DENND5A: variants seen among roughly 807,000 people sequenced by gnomAD.
The protein encoded by DENND5A is DENN domain containing 5A.
In DENND5A, 64 loss-of-function variants were observed where a neutral mutation model predicts 140.3. The observed-to-expected ratio is 0.46, with a 90% CI of 0.37 to 0.56. The LOEUF (loss-of-function observed/expected upper bound fraction) is 0.56, where lower values mean the gene tolerates loss of function less well. Among genes scored for constraint, DENND5A ranks in the 20% least tolerant of loss-of-function variants. The probability of loss-of-function intolerance (pLI) is 0.00; values close to 1 mark genes in which losing one functional copy is unlikely to be tolerated. For synonymous variants in DENND5A, 605 were observed against 607.7 expected (o/e 1.00, Z 0.07); for missense variants, 1,292 against 1,593.8 (o/e 0.81, Z 3.22).
intron 16 of DENND5A, 131 bp downstream of exon 16, chr11:9,146,897 CCA>C: frequency 9.4e-7 from 1 of 1,067,790 alleles, no homozygotes; most frequent in South Asian, 1.6e-5. Context: ...ACCTCTCTCC[CCA>C]CAGAGGCAAA....
At chr11:9,235,151 A>C (rs1333636200) in intron 1 of DENND5A, among the ~76,000 whole-genome samples, 1 of 152,224 alleles carries the variant, frequency 6.6e-6, no homozygotes, top group Non-Finnish European at 1.5e-5. Context: ...ATACATAAAC[A>C]GGTGTTCAGA....
At chr11:9,245,306 A>T (rs948684434) in intron 1 of DENND5A, 23 of 149,278 alleles carry the variant, frequency 1.5e-4, no homozygotes, top group African/African-American at 5.2e-4. Context: ...AACACAAAAA[A>T]AACAAAAAAT....
chr11:9,252,973 C>T (rs1332542800), intron 1 of DENND5A, among the ~76,000 whole-genome samples: 1 of 151,876 alleles, frequency 6.6e-6, no homozygotes, highest in Non-Finnish European at 1.5e-5. Context: ...ACCTCAGCAT[C>T]CCAAGGAACT....
At chr11:9,203,012 T>C (rs1337369341) in intron 4 of DENND5A, among the ~76,000 whole-genome samples, 3 of 152,206 alleles carry the variant, frequency 2.0e-5, no homozygotes, top group African/African-American at 7.2e-5. Flanking sequence ...AGTTCCACTA[T>C]AGCAACAATT....
intron 5 of DENND5A, among the ~76,000 whole-genome samples, chr11:9,184,221 C>G (rs1026771614): frequency 6.6e-6 from 1 of 151,924 alleles, no homozygotes; most frequent in Admixed American, 6.6e-5. Context: ...GGCGTGGTGG[C>G]GGGTGCCTAT....
At chr11:9,244,896 C>T (rs913662093) in intron 1 of DENND5A, among the ~76,000 whole-genome samples, 8 of 151,664 alleles carry the variant, frequency 5.3e-5, no homozygotes, top group Admixed American at 3.3e-4. Context: ...GGGCTGGTCT[C>T]GAACTCCTGG....
intron 15 of DENND5A, among the ~76,000 whole-genome samples, chr11:9,149,167 C>T (rs1185556321): frequency 6.6e-6 from 1 of 152,202 alleles, no homozygotes; most frequent in African/African-American, 2.4e-5. Context: ...CCCATGAATA[C>T]ACAGCCCCCA....
chr11:9,141,235 AG>A, intron 22 of DENND5A, among the ~76,000 whole-genome samples: 1 of 152,354 alleles, frequency 6.6e-6, no homozygotes, highest in African/African-American at 2.4e-5. Context: ...AGGAATAACT[AG>A]ATATACTCTG....
intron 1 of DENND5A, among the ~76,000 whole-genome samples, chr11:9,254,537 T>G (rs1029155930): frequency 4.6e-5 from 7 of 152,194 alleles, no homozygotes; most frequent in Non-Finnish European, 7.3e-5. Context: ...TCCACAGATG[T>G]CTGAGATAAG....
At chr11:9,206,021 T>A (rs1849681862) in intron 3 of DENND5A, among the ~76,000 whole-genome samples, 1 of 152,256 alleles carries the variant, frequency 6.6e-6, no homozygotes, top group East Asian at 1.9e-4. Context: ...ATACATTACC[T>A]AACCTCTTTG....
chr11:9,140,108 T>C, intron 22 of DENND5A: 1 of 1,395,606 alleles, frequency 7.2e-7, no homozygotes, highest in Non-Finnish European at 9.6e-7. Flanking sequence ...TCGCCCTGCC[T>C]AGTCAGCCCC....
intron 1 of DENND5A, among the ~76,000 whole-genome samples, chr11:9,245,790 C>T (rs1281850285): frequency 4.0e-5 from 6 of 151,824 alleles, no homozygotes; most frequent in South Asian, 2.1e-4. Flanking sequence ...TGGACCACCA[C>T]GCTCAGCTAA....
At chr11:9,169,486 T>TATAC in intron 10 of DENND5A, among the ~76,000 whole-genome samples, 1 of 114,350 alleles carries the variant, frequency 8.7e-6, no homozygotes, top group South Asian at 3.2e-4. Flanking sequence ...TTTTTTCCTA[T>TATAC]ATACACACGC....
chr11:9,192,053 G>A (rs1406491644), intron 5 of DENND5A, among the ~76,000 whole-genome samples: 1 of 151,792 alleles, frequency 6.6e-6, no homozygotes, highest in Non-Finnish European at 1.5e-5. Flanking sequence ...CCACCCCAAA[G>A]AGCACAACGC....
At chr11:9,216,012 T>C (rs1034859394) in intron 1 of DENND5A, among the ~76,000 whole-genome samples, 1 of 152,136 alleles carries the variant, frequency 6.6e-6, no homozygotes, top group Admixed American at 6.6e-5. Flanking sequence ...AACTAAAAAG[T>C]GGCAAAGGCC....
In DENND5A at chr11:9,265,016, G is replaced by C; in HGVS notation, c.54C>G (p.Tyr18Ter). Reference protein sequence around the residue: ...GGSAPSRFADYFVICGLDTET... With the variant: ...GGSAPSRFAD Reference sequence around the variant, plus strand: ...CCGTGTCCAGTCCGCAGATGACAAAGTAGTCGGCGAAGCGACTGGGCGCCG... The same window carrying C: ...CCGTGTCCAGTCCGCAGATGACAAACTAGTCGGCGAAGCGACTGGGCGCCG... Residue 18 changes from tyrosine (Y) to a stop codon, truncating the protein, a stop_gained, in exon 1 of 23, where the codon TAC (tyrosine) becomes TAG (stop). Transcript: ENST00000328194. LOFTEE classifies it high-confidence loss of function. This position sits in a 1 kb window ranked among gnomAD's most constrained non-coding sequence, Gnocchi z 4.7. 1 of 1,583,102 alleles carries C rather than the reference G, an allele frequency of 6.3e-7. No individual in the cohort carries two copies. Among genetic ancestry groups the C allele is most frequent in the Non-Finnish European group, 8.6e-7 (1 of 1,167,500 alleles).
intron 1 of DENND5A, among the ~76,000 whole-genome samples, chr11:9,238,986 C>T (rs1851121694): frequency 1.3e-5 from 2 of 151,538 alleles, no homozygotes; most frequent in African/African-American, 4.8e-5. Context: ...TGCACGCCAC[C>T]ACACCCGGCT....
rs952374 is a variant in DENND5A, at chr11:9,203,939, C to G, written c.670G>C (p.Glu224Gln). ...SFMKACRSVL[E>Q]QLHQAVTSPQ... The stretch of plus-strand genomic sequence containing the variant: ...GAAGTGACTGCCTGGTGGAGTTGCT[C>G]CAGCACGCTCCGACATGCCTTCATG... Residue 224 changes from glutamate (E) to glutamine (Q), a missense_variant, in exon 4 of 23, where the codon GAG (glutamate) becomes CAG (glutamine). Physicochemically the swap from Glu to Gln is conservative, Grantham distance 29 (BLOSUM62 2). Around this residue, in one of 4 missense-constraint regions of DENND5A, gnomAD observed 566 missense variants for 650.4 expected, o/e 0.87. Transcript: ENST00000328194. The G allele has an allele frequency of 0.3, 484,323 of 1,613,590 alleles. 78,712 individuals are homozygous for G. Among genetic ancestry groups the G allele is most frequent in the Admixed American group, 0.51 (30,624 of 59,946 alleles).
At chr11:9,216,576 G>A (rs767316639) in intron 1 of DENND5A, among the ~76,000 whole-genome samples, 5 of 152,174 alleles carry the variant, frequency 3.3e-5, no homozygotes, top group Non-Finnish European at 7.3e-5. Flanking sequence ...TTTCAAAGTG[G>A]GGATAAAGAT....
Sources: gnomAD v4.1 joint callset for allele counts (sites outside exome capture counted in the v4.1 genomes callset) on GRCh38, gnomAD v4.1.1 for gene constraint, gnomAD v4.1.1 regional missense constraint, Gnocchi (gnomAD v3.1) non-coding constraint, MANE v1.5 for transcripts, NCBI Gene and HGNC (gene_info 2026-07-23, HGNC 2026-07-21) for gene names.